CCSER1: variants seen among roughly 807,000 people sequenced by gnomAD.
CCSER1 encodes the protein coiled-coil serine rich protein 1.
In CCSER1, 41 loss-of-function variants were observed where a neutral mutation model predicts 82.0. The ratio of observed to expected loss-of-function variants is 0.50; its 90% CI spans 0.39 to 0.65. CCSER1 has a LOEUF of 0.65. CCSER1 is among the 30% of genes least tolerant of loss of function. CCSER1 has a pLI of 0.00. For missense variants in CCSER1, 1,119 were observed against 1,064.2 expected (o/e 1.05, Z -0.72); for synonymous variants, 414 against 383.9 (o/e 1.08, Z -0.92).
intron 8 of CCSER1, among the ~76,000 whole-genome samples, chr4:90,909,785 A>C (rs1726050401): frequency 6.6e-6 from 1 of 152,216 alleles, no homozygotes; most frequent in South Asian, 2.1e-4. Flanking sequence ...GAAATCAAAT[A>C]TATATTTGTA....
At chr4:90,148,677 C>T (rs1262892008) in intron 1 of CCSER1, among the ~76,000 whole-genome samples, 1 of 152,096 alleles carries the variant, frequency 6.6e-6, no homozygotes, top group African/African-American at 2.4e-5. Context: ...CCTCACTGTA[C>T]AATTATTTTG....
At position 90,311,086 on chromosome 4, in the gene CCSER1, A is replaced by C. The variant is rs1193182449; in HGVS notation, c.1324+1478A>C. Among the ~76,000 whole-genome samples the C allele has an allele frequency of 2.0e-5, 3 of 152,086 alleles. No individual in the cohort carries two copies. In the East Asian group the frequency reaches 5.8e-4, roughly 29 times the overall value. On this transcript the variant is annotated intron_variant, in intron 2 of 10. Coordinates refer to ENST00000509176, the MANE Select transcript of CCSER1 (RefSeq NM_001145065.2). ...AAAATGTACTAAGAAGATTGCATGC[A>C]CTGTTTCATATAGTCCTTATAAAAA... is the stretch of plus-strand genomic sequence containing the variant.
At chr4:91,547,987 T>C (rs1046697307) in intron 10 of CCSER1, among the ~76,000 whole-genome samples, 1 of 152,218 alleles carries the variant, frequency 6.6e-6, no homozygotes, top group Non-Finnish European at 1.5e-5. Flanking sequence ...TTCACCATGT[T>C]GCCCAGGCTG....
intron 10 of CCSER1, among the ~76,000 whole-genome samples, chr4:91,293,265 AATAG>A (rs768919198): frequency 8.6e-4 from 131 of 151,940 alleles, no homozygotes; most frequent in Non-Finnish European, 1.6e-3. Context: ...TACATATATA[AATAG>A]ATCTTTTATT....
intron 9 of CCSER1, among the ~76,000 whole-genome samples, chr4:90,944,523 G>C (rs13101870): frequency 0.8 from 121,143 of 152,034 alleles, 48,722 homozygotes; most frequent in African/African-American, 0.89. Context: ...CATCCACTTT[G>C]AGATCCACAG....
chr4:90,247,420 CA>C (rs1721633726), intron 1 of CCSER1, among the ~76,000 whole-genome samples: 1 of 151,976 alleles, frequency 6.6e-6, no homozygotes, highest in African/African-American at 2.4e-5. Flanking sequence ...GAAAATATAA[CA>C]AGAAAATATA....
chr4:91,108,851 G>A (rs942393426), intron 10 of CCSER1, among the ~76,000 whole-genome samples: 15 of 152,148 alleles, frequency 9.9e-5, no homozygotes, highest in Admixed American at 9.8e-4. Flanking sequence ...TATTATTTTT[G>A]GGTATGTCTG....
intron 10 of CCSER1, among the ~76,000 whole-genome samples, chr4:91,210,961 A>G (rs775929201): frequency 2.0e-5 from 3 of 151,998 alleles, no homozygotes; most frequent in Non-Finnish European, 4.4e-5. Context: ...AACTTATTCT[A>G]AAATGGTTTA....
intron 10 of CCSER1, among the ~76,000 whole-genome samples, chr4:91,582,008 A>G (rs1179759016): frequency 6.6e-6 from 1 of 151,718 alleles, no homozygotes; most frequent in Non-Finnish European, 1.5e-5. Context: ...GATGGAAATA[A>G]ATGTTTATGT....
chr4:90,560,375 A>C (rs1175088717), intron 5 of CCSER1, among the ~76,000 whole-genome samples: 3 of 152,114 alleles, frequency 2.0e-5, no homozygotes, highest in Admixed American at 6.5e-5. Flanking sequence ...TGCCAGGCAG[A>C]CACAGGACTC....
intron 9 of CCSER1, among the ~76,000 whole-genome samples, chr4:91,035,836 A>C (rs1006955756): frequency 6.6e-6 from 1 of 152,154 alleles, no homozygotes; most frequent in African/African-American, 2.4e-5. Flanking sequence ...GCTGATTACA[A>C]CTCACTCCTA....
chr4:90,242,571 T>C (rs571338243), intron 1 of CCSER1, among the ~76,000 whole-genome samples: 1 of 152,320 alleles, frequency 6.6e-6, no homozygotes, highest in Admixed American at 6.5e-5. Context: ...ATGAACCTAG[T>C]GAACAATGTA....
At chr4:91,418,114 C>A (rs2149380056) in intron 10 of CCSER1, among the ~76,000 whole-genome samples, 1 of 151,712 alleles carries the variant, frequency 6.6e-6, no homozygotes, top group South Asian at 2.1e-4. Flanking sequence ...GTGACCAATG[C>A]CTACATTTAG....
chr4:90,714,189 A>G (rs1741201014), intron 6 of CCSER1, among the ~76,000 whole-genome samples: 1 of 151,722 alleles, frequency 6.6e-6, no homozygotes, highest in African/African-American at 2.4e-5. Context: ...AAAAATATAT[A>G]TTTTATTTGT....
At chr4:90,513,506 A>G (rs1161608185) in intron 5 of CCSER1, among the ~76,000 whole-genome samples, 2 of 152,224 alleles carry the variant, frequency 1.3e-5, no homozygotes, top group African/African-American at 2.4e-5. Context: ...TACTGATTTC[A>G]TAGTATTTTG....
intron 10 of CCSER1, among the ~76,000 whole-genome samples, chr4:91,323,987 A>T (rs1746374257): frequency 6.6e-6 from 1 of 152,222 alleles, no homozygotes; most frequent in Admixed American, 6.5e-5. Context: ...TTTGGTAAAC[A>T]TTCTGAAGAA....
intron 10 of CCSER1, among the ~76,000 whole-genome samples, chr4:91,494,090 G>A (rs1758689571): frequency 6.6e-6 from 1 of 151,854 alleles, no homozygotes; most frequent in Non-Finnish European, 1.5e-5. Context: ...CGTTAGATAA[G>A]CAACAAGGTG....
chr4:91,332,931 T>A (rs1047708371), intron 10 of CCSER1, among the ~76,000 whole-genome samples: 5 of 152,014 alleles, frequency 3.3e-5, no homozygotes, highest in African/African-American at 1.2e-4. Context: ...TTCTATTATG[T>A]ATAAAAGTTT....
intron 3 of CCSER1, among the ~76,000 whole-genome samples, chr4:90,338,065 T>C (rs1387399001): frequency 2.0e-5 from 3 of 152,210 alleles, no homozygotes; most frequent in Admixed American, 6.5e-5. Context: ...ATGCTGATAC[T>C]AATGTGAATA....
Sources: gnomAD v4.1 joint callset for allele counts (sites outside exome capture counted in the v4.1 genomes callset) on GRCh38, gnomAD v4.1.1 for gene constraint, MANE v1.5 for transcripts, NCBI Gene and HGNC (gene_info 2026-07-23, HGNC 2026-07-21) for gene names.